Variants in CCDC178 observed in about 807,000 individuals in gnomAD.
CCDC178 encodes the protein coiled-coil domain-containing protein 178.
A neutral mutation model predicts 117.4 loss-of-function variants in CCDC178; 126 were observed. That is an observed-to-expected ratio of 1.07 (90% CI 0.93 to 1.24). The LOEUF is 1.24. Among genes scored for constraint, CCDC178 ranks in the 50% most tolerant of loss-of-function variants. The pLI is 0.00. For synonymous variants in CCDC178, 283 were observed against 313.4 expected, an observed-to-expected ratio of 0.90 and a Z score of 1.02; for missense variants, 1,030 against 986.9, an observed-to-expected ratio of 1.04 and a Z score of -0.59.
chr18:33,079,589 C>CA (rs1276340694), intron 21 of CCDC178, among the ~76,000 whole-genome samples: 1 of 146,652 alleles, frequency 6.8e-6, no homozygotes, highest in Non-Finnish European at 1.5e-5. Context: ...AAGCCAAAAA[C>CA]AAACAACCCA....
At chr18:32,972,363 G>T (rs1013419748) in intron 22 of CCDC178, among the ~76,000 whole-genome samples, 1 of 152,104 alleles carries the variant, frequency 6.6e-6, no homozygotes, top group African/African-American at 2.4e-5. Flanking sequence ...TCTCTGTTCT[G>T]TTCCACTGGT....
At chr18:33,383,907 A>G (rs1040805999) in intron 5 of CCDC178, among the ~76,000 whole-genome samples, 2 of 152,112 alleles carry the variant, frequency 1.3e-5, no homozygotes, top group Non-Finnish European at 2.9e-5. Flanking sequence ...GGTAATAATG[A>G]ATTTCGCTGA....
chr18:33,384,048 C>T (rs2063467711), intron 5 of CCDC178, among the ~76,000 whole-genome samples: 1 of 152,076 alleles, frequency 6.6e-6, no homozygotes, highest in South Asian at 2.1e-4. Context: ...AAACACAGCA[C>T]GGGAACTTCA....
At chr18:33,391,062 G>A (rs546966652) in intron 4 of CCDC178, among the ~76,000 whole-genome samples, 162 of 150,652 alleles carry the variant, frequency 1.1e-3, no homozygotes, top group Non-Finnish European at 2.0e-3. Flanking sequence ...AAAAGATAGT[G>A]CTAATCAAAT....
At chr18:33,425,779 C>T (rs777436430) in intron 2 of CCDC178, among the ~76,000 whole-genome samples, 2 of 151,876 alleles carry the variant, frequency 1.3e-5, no homozygotes, top group South Asian at 2.1e-4. Context: ...CTGATGGGGC[C>T]GAGGAGAGAA....
At chr18:33,316,884 G>A (rs1024318943) in intron 11 of CCDC178, among the ~76,000 whole-genome samples, 5 of 151,756 alleles carry the variant, frequency 3.3e-5, no homozygotes, top group Non-Finnish European at 5.9e-5. Flanking sequence ...TATACCAATC[G>A]ACACTCTGTA....
chr18:33,214,340 C>T (rs575029520), intron 19 of CCDC178, among the ~76,000 whole-genome samples: 3 of 152,128 alleles, frequency 2.0e-5, no homozygotes, highest in Admixed American at 2.0e-4. Context: ...AGTAATTCCA[C>T]AGTATTGGCT....
intron 3 of CCDC178, among the ~76,000 whole-genome samples, chr18:33,400,982 G>T (rs1268392064): frequency 1.3e-5 from 2 of 152,124 alleles, no homozygotes; most frequent in African/African-American, 4.8e-5. Context: ...AATGGCCTAA[G>T]TACAAATATT....
intron 21 of CCDC178, among the ~76,000 whole-genome samples, chr18:33,019,942 A>C (rs1486983263): frequency 6.8e-6 from 1 of 146,500 alleles, no homozygotes; most frequent in Non-Finnish European, 1.5e-5. Context: ...TATTATTATT[A>C]TTATTATTAT....
chr18:33,273,980 TCAAA>T (rs2059916764), intron 12 of CCDC178, among the ~76,000 whole-genome samples: 1 of 151,796 alleles, frequency 6.6e-6, no homozygotes, highest in African/African-American at 2.4e-5. Flanking sequence ...GAAAATATTT[TCAAA>T]CAATCTATCT....
chr18:33,032,768 T>C (rs561391013), intron 21 of CCDC178, among the ~76,000 whole-genome samples: 1 of 152,140 alleles, frequency 6.6e-6, no homozygotes, highest in African/African-American at 2.4e-5. Flanking sequence ...GGGGTAAGAA[T>C]TGACAGAGGA....
At chr18:33,222,369 C>T (rs900461189) in intron 18 of CCDC178, among the ~76,000 whole-genome samples, 5 of 150,718 alleles carry the variant, frequency 3.3e-5, no homozygotes, top group Admixed American at 1.3e-4. Flanking sequence ...TTTGTTTAGG[C>T]TGTTACAACA....
chr18:33,270,015 A>G (rs540881460), intron 12 of CCDC178, among the ~76,000 whole-genome samples: 5 of 151,772 alleles, frequency 3.3e-5, no homozygotes, highest in Non-Finnish European at 5.9e-5. Context: ...GCAAATAGAA[A>G]CTATTAATAA....
intron 14 of CCDC178, among the ~76,000 whole-genome samples, chr18:33,258,462 A>G (rs2059705458): frequency 6.6e-6 from 1 of 152,140 alleles, no homozygotes; most frequent in Non-Finnish European, 1.5e-5. Context: ...GGTGACACCG[A>G]ATATTCTTGC....
At chr18:33,153,718 T>C (rs983158166) in intron 20 of CCDC178, among the ~76,000 whole-genome samples, 3 of 152,096 alleles carry the variant, frequency 2.0e-5, no homozygotes, top group African/African-American at 7.2e-5. Flanking sequence ...CAAGCAATCA[T>C]ATATTTATAC....
At chr18:33,135,808 T>C (rs1015403914) in intron 20 of CCDC178, among the ~76,000 whole-genome samples, 6 of 152,138 alleles carry the variant, frequency 3.9e-5, no homozygotes, top group African/African-American at 1.2e-4. Context: ...ACCCTGACAT[T>C]TACCCCGTGT....
intron 22 of CCDC178, among the ~76,000 whole-genome samples, chr18:32,971,710 G>A (rs1017143136): frequency 2.6e-5 from 4 of 151,950 alleles, no homozygotes; most frequent in African/African-American, 4.8e-5. Flanking sequence ...TTTAATAATC[G>A]TCATTCTGAC....
At chr18:33,135,413 T>C (rs1230759362) in intron 20 of CCDC178, among the ~76,000 whole-genome samples, 1 of 152,150 alleles carries the variant, frequency 6.6e-6, no homozygotes, top group Non-Finnish European at 1.5e-5. Context: ...TTTTTAAGTA[T>C]CATGCAGCAA....
chr18:33,110,807 A>T (rs1210330793), intron 20 of CCDC178, among the ~76,000 whole-genome samples: 1 of 151,530 alleles, frequency 6.6e-6, no homozygotes, highest in Non-Finnish European at 1.5e-5. Context: ...AATTTCTTAT[A>T]ATGTGGCCTC....
Sources: allele counts gnomAD v4.1 joint callset (sites outside exome capture counted in the v4.1 genomes callset), GRCh38; gene constraint gnomAD v4.1.1; transcripts MANE v1.5; gene names NCBI Gene and HGNC (gene_info 2026-07-23, HGNC 2026-07-21).